Variants in PGM3 observed in about 807,000 individuals in gnomAD.
PGM3 encodes the protein phosphoglucomutase 3, also known as phosphoacetylglucosamine mutase.
PGM3 carries 40 observed loss-of-function variants against 66.2 expected under a neutral mutation model. The observed-to-expected ratio is 0.60, with a 90% CI of 0.47 to 0.79. PGM3 has a LOEUF of 0.79. Among genes scored for constraint, PGM3 ranks in the 30% least tolerant of loss-of-function variants. The pLI, the probability that PGM3 is intolerant of heterozygous loss-of-function variation, is 0.00. For synonymous variants in PGM3, 191 were observed against 224.2 expected, an observed-to-expected ratio of 0.85 and a Z score of 1.32; for missense variants, 537 against 643.4, an observed-to-expected ratio of 0.83 and a Z score of 1.79.
chr6:83,193,643 A>G (rs1789377473), upstream of PGM3, among the ~76,000 whole-genome samples: 1 of 152,126 alleles, frequency 6.6e-6, no homozygotes, highest in Admixed American at 6.5e-5. Flanking sequence ...GGCCTCGGAC[A>G]GGGCGACCTC....
At chr6:83,186,277 G>A (rs571653052) in intron 4 of PGM3, among the ~76,000 whole-genome samples, 18 of 152,172 alleles carry the variant, frequency 1.2e-4, no homozygotes, top group African/African-American at 4.3e-4. Flanking sequence ...TTCAAGGAGA[G>A]GTAAGGATAC....
chr6:83,151,802 T>C, the PGM3 span: 1 of 1,463,700 alleles, frequency 6.8e-7, no homozygotes. Flanking sequence ...AAATATCTAT[T>C]ATCAGAAATA....
At chr6:83,151,454 A>G in the PGM3 span, 2,086 of 525,956 alleles carry the variant, frequency 4.0e-3, 44 homozygotes, top group African/African-American at 0.036. Flanking sequence ...CAGTTGAGTC[A>G]TAGGATATGT....
Position 83,167,404 on chromosome 6 carries a change from T to G in PGM3, c.*1830A>C. On this transcript the variant is annotated 3_prime_UTR_variant, in exon 13 of 13. Coordinates refer to ENST00000513973, the MANE Select transcript of PGM3 (RefSeq NM_015599.3). Reference sequence around the variant, plus strand: ...TACCATCATGGCAAATTTAGGCCATTTAGATAAAAGGGAATTAACTAATTA... The same window carrying G: ...TACCATCATGGCAAATTTAGGCCATGTAGATAAAAGGGAATTAACTAATTA... 1.0e-6 allele frequency: 1 copy of G among 982,208 alleles called. No individual in the cohort carries two copies. Among genetic ancestry groups the G allele is most frequent in the Non-Finnish European group, 1.2e-6 (1 of 826,884 alleles). The allele number at this position is 982,208 out of a possible 1,614,324, so 60.8% of individuals were successfully genotyped here.
the PGM3 span, among the ~76,000 whole-genome samples, chr6:83,150,334 G>A: frequency 1.1e-3 from 163 of 152,274 alleles, no homozygotes; most frequent in African/African-American, 3.8e-3. Context: ...AAATAACCCT[G>A]CTGGCTAATT....
intron 8 of PGM3, among the ~76,000 whole-genome samples, chr6:83,177,104 T>G (rs1042931734): frequency 6.6e-6 from 1 of 152,164 alleles, no homozygotes; most frequent in Admixed American, 6.5e-5. Context: ...GTGACTACAG[T>G]TGACATCAGC....
chr6:83,152,416 A>T, the PGM3 span: 1 of 871,874 alleles, frequency 1.1e-6, no homozygotes, highest in South Asian at 2.7e-5. Flanking sequence ...CTGTTTCATT[A>T]TTAAAAATTA....
chr6:83,182,694 C>T (rs775323686), intron 5 of PGM3, 151 bp downstream of exon 5: 1 of 675,992 alleles, frequency 1.5e-6, no homozygotes. Context: ...TAGACCAGAA[C>T]CTTGTGTAGC....
At chr6:83,182,591 G>A (rs1020745235) in intron 5 of PGM3, among the ~76,000 whole-genome samples, 32 of 152,098 alleles carry the variant, frequency 2.1e-4, no homozygotes, top group African/African-American at 6.5e-4. Context: ...TGATACCATC[G>A]TCAAGACCCC....
chr6:83,152,190 T>C, the PGM3 span: 1 of 724,194 alleles, frequency 1.4e-6, no homozygotes, highest in Non-Finnish European at 2.1e-6. Context: ...TATACATATA[T>C]ATATACATAT....
chr6:83,192,275 A>G (rs1244458528), intron 1 of PGM3, among the ~76,000 whole-genome samples: 2 of 152,216 alleles, frequency 1.3e-5, no homozygotes, highest in Non-Finnish European at 2.9e-5. Flanking sequence ...AAAACAAACA[A>G]CAACAAAAAA....
chr6:83,185,090 A>C (rs1396199169), intron 4 of PGM3, among the ~76,000 whole-genome samples: 1 of 152,252 alleles, frequency 6.6e-6, no homozygotes, highest in African/African-American at 2.4e-5. Flanking sequence ...GAAAATGCTG[A>C]AAAAGACAAC....
intron 12 of PGM3, 116 bp from the exon 13 acceptor site, chr6:83,169,439 A>C: frequency 8.2e-7 from 1 of 1,220,130 alleles, no homozygotes; most frequent in Non-Finnish European, 1.1e-6. Context: ...ATTTTGTTTC[A>C]CTAACAAATT....
At chr6:83,183,469 A>G (rs1179175055) in intron 4 of PGM3, among the ~76,000 whole-genome samples, 1 of 152,180 alleles carries the variant, frequency 6.6e-6, no homozygotes, top group Non-Finnish European at 1.5e-5. Flanking sequence ...AGAGCAAAAA[A>G]AGCCCATGCT....
At chr6:83,153,683 TC>T in the PGM3 span, 1 of 1,339,302 alleles carries the variant, frequency 7.5e-7, no homozygotes, top group East Asian at 2.4e-5. Context: ...CAAGTTCTGT[TC>T]CCTTATTGCC....
At chr6:83,180,557 A>G (rs1373343399) in intron 6 of PGM3, among the ~76,000 whole-genome samples, 1 of 152,226 alleles carries the variant, frequency 6.6e-6, no homozygotes, top group Non-Finnish European at 1.5e-5. Context: ...CAAATTCAAC[A>G]TGAGACAACT....
intron 3 of PGM3, 63 bp from the exon 4 acceptor site, chr6:83,187,138 G>A: frequency 3.1e-6 from 3 of 983,246 alleles, no homozygotes; most frequent in Non-Finnish European, 4.8e-6. Flanking sequence ...TGCTGGTTCT[G>A]CAAGCAAATG....
rs1318265850 is a variant in PGM3 at position 83,172,942 on chromosome 6, T to C, written c.1243-883A>G. Among the ~76,000 whole-genome samples, 7 of 152,304 alleles carry C rather than the reference T, an allele frequency of 4.6e-5. No individual in the cohort carries two copies. In the East Asian group the frequency reaches 1.3e-3, roughly 29 times the overall value. On this transcript the variant is annotated intron_variant, in intron 10 of 12. Coordinates refer to ENST00000513973, the MANE Select transcript of PGM3 (RefSeq NM_015599.3). ...ATTGTCCAACGGGTGGCTGACAGAG[T>C]GACACCTTTGCTTTCTGATGGTTCA...
rs1457408578 is a variant in PGM3, at chr6:83,165,946, CCAAA to C, written c.*3284_*3287del. The C allele has an allele frequency of 1.9e-5, 7 of 365,910 alleles. No homozygotes were observed. Among genetic ancestry groups the C allele is most frequent in the South Asian group, 4.7e-5 (2 of 42,604 alleles). 22.7% of individuals were successfully genotyped at this position (365,910 alleles called of 1,614,324 possible). On this transcript the variant is annotated 3_prime_UTR_variant, in exon 13 of 13. Coordinates refer to ENST00000513973, the MANE Select transcript of PGM3 (RefSeq NM_015599.3). Reference sequence around the variant, plus strand: ...AGTGGATCAGACTGGCAGCAAACCACCAAACAATGACCATGACCATTTTTTGGAG... The same window carrying C: ...AGTGGATCAGACTGGCAGCAAACCACCAATGACCATGACCATTTTTTGGAG...
Sources: gnomAD v4.1 joint callset for allele counts (sites outside exome capture counted in the v4.1 genomes callset) on GRCh38, gnomAD v4.1.1 for gene constraint, MANE v1.5 for transcripts, NCBI Gene and HGNC (gene_info 2026-07-23, HGNC 2026-07-21) for gene names.